AVPR1B: variants seen among roughly 807,000 people sequenced by gnomAD.
AVPR1B encodes the protein vasopressin V1b receptor.
AVPR1B carries 25 observed loss-of-function variants against 27.5 expected under a neutral mutation model. That is an observed-to-expected ratio of 0.91 (90% confidence interval 0.66 to 1.27). AVPR1B has a LOEUF of 1.27. Among genes scored for constraint, AVPR1B ranks in the 50% most tolerant of loss-of-function variants. The pLI, the probability that AVPR1B is intolerant of heterozygous loss-of-function variation, is 0.00. For synonymous variants in AVPR1B, 248 were observed against 240.2 expected (o/e 1.03, Z -0.30); for missense variants, 595 against 556.9 (o/e 1.07, Z -0.69).
chr1:206,108,795 TAA>T lies in AVPR1B; in HGVS notation c.*1392_*1393del, dbSNP rs1415536562. Among the ~76,000 whole-genome samples, 1 of 152,122 alleles carries T rather than the reference TAA, an allele frequency of 6.6e-6. No homozygotes were observed. The highest frequency in any genetic ancestry group is 1.5e-5 in the Non-Finnish European group (1 of 68,020). ...TTGGGTTGGGGAAGCTATGCCATGA[TAA>T]AAGTCCCCTGGAGATAATGAGCATG... On this transcript the variant is annotated 3_prime_UTR_variant, in exon 2 of 2. Transcript: ENST00000367126.
intron 1 of AVPR1B, among the ~76,000 whole-genome samples, chr1:206,115,227 C>T (rs781896945): frequency 2.0e-5 from 3 of 151,760 alleles, no homozygotes; most frequent in Non-Finnish European, 4.4e-5. Context: ...TTAGGCAGCT[C>T]GGGGAAGAGA....
intron 1 of AVPR1B, among the ~76,000 whole-genome samples, chr1:206,111,854 G>A (rs1553289874): frequency 6.6e-6 from 1 of 152,200 alleles, no homozygotes; most frequent in Non-Finnish European, 1.5e-5. Flanking sequence ...GGGAACAGAA[G>A]TGAAGGTAGA....
In AVPR1B at chr1:206,116,226, A is replaced by G. The variant is rs1553290496; in HGVS notation, c.665T>C (p.Ile222Thr). The G allele has an allele frequency of 6.2e-7, 1 of 1,613,780 alleles. No homozygotes were observed. Among genetic ancestry groups the G allele is most frequent in the Admixed American group, 1.7e-5 (1 of 60,020 alleles). The change falls in exon 1 of 2, where the codon ATC becomes ACC. Residue 222 changes from isoleucine (I) to threonine (T), a missense_variant. Coordinates refer to ENST00000367126, the MANE Select transcript of AVPR1B (RefSeq NM_000707.5). Reference sequence around the variant, plus strand: ...TAGGTTTTTACAGATCTCATGGCAGATGAGGCTGTAGCAGGCCGTGAGCAT... The same window carrying G: ...TAGGTTTTTACAGATCTCATGGCAGGTGAGGCTGTAGCAGGCCGTGAGCAT... ...VTMLTACYSL[I>T]CHEICKNLKV...
At position 206,107,586 on chromosome 1, in the gene AVPR1B, C is replaced by T. The variant is rs79912659; in HGVS notation, c.*2603G>A. On this transcript the variant is annotated 3_prime_UTR_variant, in exon 2 of 2. Transcript: ENST00000367126. ...GCTTTCTGGAAAAGATCAAGTGTAG[C>T]CTTTCCATGGGAGGAACAATGAGGG... Among the ~76,000 whole-genome samples, 960 of 152,340 alleles carry T rather than the reference C, an allele frequency of 6.3e-3. 6 individuals are homozygous for T. The highest frequency in any genetic ancestry group is 0.022 in the African/African-American group (926 of 41,572).
chr1:206,111,426 A>T (rs1161437135), intron 1 of AVPR1B, among the ~76,000 whole-genome samples: 3 of 152,320 alleles, frequency 2.0e-5, no homozygotes, highest in African/African-American at 7.2e-5. Flanking sequence ...TGGATCTGTC[A>T]TGGTTATAGC....
rs28529127 is a variant in AVPR1B at position 206,110,179 on chromosome 1, C to T, written c.*10G>A. The stretch of plus-strand genomic sequence containing the variant: ...TCCTGGGGGCAGTACCAGACCCCAG[C>T]GAGTCTTTCCTAAAAGATGATGGTC... On this transcript the variant is annotated 3_prime_UTR_variant, in exon 2 of 2. Transcript: ENST00000367126. The T allele has an allele frequency of 0.12, 194,199 of 1,596,792 alleles. 12,589 individuals carry two copies. The highest frequency in any genetic ancestry group is 0.2 in the South Asian group (18,089 of 89,306).
In AVPR1B at chr1:206,110,244, G is replaced by A; in HGVS notation, c.1220C>T (p.Pro407Leu). ...LSGRPRPEES[P>L]RDLELADGEG... is the part of the protein sequence containing the mutation. ...CCCATCTGCCAGCTCCAAGTCCCTT[G>A]GTGACTCTTCAGGCCTGGGCCTCCC... The change falls in exon 2 of 2, where the codon CCA becomes CTA. Residue 407 changes from proline (P) to leucine (L), a missense_variant. Transcript: ENST00000367126. 5 of 1,613,992 alleles carry A rather than the reference G, an allele frequency of 3.1e-6. No individual in the cohort carries two copies. Among genetic ancestry groups the A allele is most frequent in the Non-Finnish European group, 4.2e-6 (5 of 1,179,952 alleles).
In AVPR1B at chr1:206,110,086, C is replaced by T. The variant is rs560458922; in HGVS notation, c.*103G>A. 5.5e-5 allele frequency: 74 copies of T among 1,356,862 alleles called. No homozygotes were observed. Among genetic ancestry groups the T allele is most frequent in the Non-Finnish European group, 5.2e-5 (52 of 1,005,580 alleles). 84.1% of individuals were successfully genotyped at this position (1,356,862 alleles called of 1,614,324 possible). A position where few individuals can be genotyped will look rare whatever the true frequency, so the allele number is the denominator to read the frequency against. On this transcript the variant is annotated 3_prime_UTR_variant, in exon 2 of 2. Transcript: ENST00000367126. ...TCGCTCCGCTTTAGACAGGGCTCCT[C>T]TAACTCCAACCCTTACCCTCCCAGC... is the stretch of plus-strand genomic sequence containing the variant.
intron 1 of AVPR1B, among the ~76,000 whole-genome samples, chr1:206,114,432 C>T (rs1553290228): frequency 2.0e-5 from 3 of 152,180 alleles, no homozygotes; most frequent in Non-Finnish European, 4.4e-5. Flanking sequence ...TCATGCCTCA[C>T]TCCTGCTTAG....
At chr1:206,115,392 C>G (rs544878590) in intron 1 of AVPR1B, among the ~76,000 whole-genome samples, 2 of 152,180 alleles carry the variant, frequency 1.3e-5, no homozygotes, top group African/African-American at 4.8e-5. Flanking sequence ...ATTCTTTGTT[C>G]GTGGCACCAA....
At position 206,110,152 on chromosome 1, in the gene AVPR1B, A is replaced by G. The variant is rs782086226; in HGVS notation, c.*37T>C. 1.3e-6 allele frequency: 2 copies of G among 1,556,710 alleles called. No homozygotes were observed. The highest frequency in any genetic ancestry group is 1.7e-6 in the Non-Finnish European group (2 of 1,148,754). On this transcript the variant is annotated 3_prime_UTR_variant, in exon 2 of 2. Transcript: ENST00000367126. ...CCGAGGTGGGCAGAGAACCTCCACT[A>G]GTCCTGGGGGCAGTACCAGACCCCA...
rs781813621 is a variant in AVPR1B at position 206,110,210 on chromosome 1, G to T, written c.1254C>A (p.Thr418=). ...RDLELADGEG[T]AETIIF ...TTTCCTAAAAGATGATGGTCTCAGCGGTGCCTTCCCCATCTGCCAGCTCCA... is the reference window on the plus strand; with the variant it reads ...TTTCCTAAAAGATGATGGTCTCAGCTGTGCCTTCCCCATCTGCCAGCTCCA... Residue 418 remains threonine (T), a synonymous_variant, in exon 2 of 2, where the codon ACC becomes ACA. Transcript: ENST00000367126. 26 of 1,611,378 alleles carry T rather than the reference G, an allele frequency of 1.6e-5. No homozygotes were observed. The Admixed American group carries it at 4.2e-4, about 26-fold the overall frequency.
At position 206,116,109 on chromosome 1, in the gene AVPR1B, C is replaced by G; in HGVS notation, c.782G>C (p.Gly261Ala). ...SPSTLAATTRGLPSRVSSINT... is the reference protein window; with the variant it reads ...SPSTLAATTRALPSRVSSINT... ...GATGCTGCTGACCCGAGATGGCAGC[C>G]CCCGAGTGGTGGCAGCTAAGGTGGA... Residue 261 changes from glycine (G) to alanine (A), a missense_variant, in exon 1 of 2, where the codon GGG (glycine) becomes GCG (alanine). Coordinates refer to ENST00000367126, the MANE Select transcript of AVPR1B (RefSeq NM_000707.5). 1 of 1,614,230 alleles carries G rather than the reference C, an allele frequency of 6.2e-7. No individual in the cohort carries two copies. Among genetic ancestry groups the G allele is most frequent in the African/African-American group, 1.3e-5 (1 of 75,048 alleles).
rs146240282 is a variant in AVPR1B, at chr1:206,112,850, T to C, written c.941-2327A>G. Among the ~76,000 whole-genome samples, 152 of 152,300 alleles carry C rather than the reference T, an allele frequency of 1.0e-3. 3 individuals are homozygous for C. In the East Asian group the frequency reaches 0.028, roughly 28 times the overall value. On this transcript the variant is annotated intron_variant, in intron 1 of 1. Coordinates refer to ENST00000367126, the MANE Select transcript of AVPR1B (RefSeq NM_000707.5). Reference sequence around the variant, plus strand: ...AGCCAAAGTAAACCTCTTTTCTTTATAAATTTCTCAGTTTCAGGTATTCCT... The same window carrying C: ...AGCCAAAGTAAACCTCTTTTCTTTACAAATTTCTCAGTTTCAGGTATTCCT...
chr1:206,110,087 T>C lies in AVPR1B; in HGVS notation c.*102A>G. The C allele has an allele frequency of 7.3e-7, 1 of 1,361,410 alleles. No homozygotes were observed. The highest frequency in any genetic ancestry group is 9.9e-7 in the Non-Finnish European group (1 of 1,008,968). 84.3% of individuals were successfully genotyped at this position (1,361,410 alleles called of 1,614,324 possible). ...CGCTCCGCTTTAGACAGGGCTCCTCTAACTCCAACCCTTACCCTCCCAGCT... is the reference window on the plus strand; with the variant it reads ...CGCTCCGCTTTAGACAGGGCTCCTCCAACTCCAACCCTTACCCTCCCAGCT... On this transcript the variant is annotated 3_prime_UTR_variant, in exon 2 of 2. Transcript: ENST00000367126.
At chr1:206,115,114 G>A (rs1663441994) in intron 1 of AVPR1B, among the ~76,000 whole-genome samples, 1 of 152,184 alleles carries the variant, frequency 6.6e-6, no homozygotes. Context: ...TGCATAGCAT[G>A]CATGCACTTA....
chr1:206,112,213 G>C (rs782538133), intron 1 of AVPR1B, among the ~76,000 whole-genome samples: 47 of 151,988 alleles, frequency 3.1e-4, no homozygotes, highest in Non-Finnish European at 5.0e-4. Flanking sequence ...AAAAAAGAGA[G>C]ACAGGGAGAA....
At chr1:206,112,830 A>G (rs1663402041) in intron 1 of AVPR1B, among the ~76,000 whole-genome samples, 1 of 152,170 alleles carries the variant, frequency 6.6e-6, no homozygotes, top group Non-Finnish European at 1.5e-5. Context: ...CTGTAAGCCA[A>G]AGTAAACCTC....
chr1:206,112,935 C>T (rs1239786001), intron 1 of AVPR1B, among the ~76,000 whole-genome samples: 4 of 152,226 alleles, frequency 2.6e-5, no homozygotes, highest in Non-Finnish European at 5.9e-5. Context: ...CTCAGCCTTC[C>T]TTCCGTTTTG....
Sources: gnomAD v4.1 joint callset for allele counts (sites outside exome capture counted in the v4.1 genomes callset) on GRCh38, gnomAD v4.1.1 for gene constraint, MANE v1.5 for transcripts, NCBI Gene and HGNC (gene_info 2026-07-23, HGNC 2026-07-21) for gene names.